RCSD1: variants seen among roughly 807,000 people sequenced by gnomAD.
RCSD1 encodes RCSD domain containing 1, also known as capZ-interacting protein.
Under a neutral mutation model 42.5 loss-of-function variants are expected in RCSD1, and 26 were observed. The observed-to-expected ratio is 0.61, with a 90% CI of 0.45 to 0.85. RCSD1 has a LOEUF of 0.85. RCSD1 is among the 40% of genes least tolerant of loss of function. RCSD1 has a pLI of 0.00. For synonymous variants in RCSD1, 220 were observed against 212.2 expected (o/e 1.04, Z -0.32); for missense variants, 571 against 528.3 (o/e 1.08, Z -0.79).
chr1:167,634,450 C>T (rs1374453846), intron 1 of RCSD1, among the ~76,000 whole-genome samples: 1 of 151,964 alleles, frequency 6.6e-6, no homozygotes, highest in Non-Finnish European at 1.5e-5. Flanking sequence ...CCACCACTCC[C>T]TAAGAAATAC....
intron 6 of RCSD1, among the ~76,000 whole-genome samples, chr1:167,702,588 G>C (rs1659667690): frequency 6.6e-6 from 1 of 152,142 alleles, no homozygotes; most frequent in Non-Finnish European, 1.5e-5. Context: ...AGATCAGCCT[G>C]GCCAACATGG....
chr1:167,673,279 G>T (rs879372316), intron 1 of RCSD1, among the ~76,000 whole-genome samples: 2 of 152,222 alleles, frequency 1.3e-5, no homozygotes, highest in Admixed American at 6.5e-5. Context: ...CCCTCCATTT[G>T]CCCAAGGTTT....
intron 6 of RCSD1, among the ~76,000 whole-genome samples, chr1:167,701,107 C>T (rs563256238): frequency 6.6e-6 from 1 of 152,132 alleles, no homozygotes; most frequent in Non-Finnish European, 1.5e-5. Context: ...GCCCAGCAAC[C>T]TCAAGAGCAC....
rs1658205389 is a variant in RCSD1, at chr1:167,647,908, A to G, written c.6+17479A>G. On this transcript the variant is annotated intron_variant, in intron 1 of 6. Coordinates refer to ENST00000367854, the MANE Select transcript of RCSD1 (RefSeq NM_052862.4). ...TTTAAGATTTGAAATTCATCATCTTAACACAACTATTTTCTTTTTCTTTTT... is the reference window on the plus strand; with the variant it reads ...TTTAAGATTTGAAATTCATCATCTTGACACAACTATTTTCTTTTTCTTTTT... Among the ~76,000 whole-genome samples the G allele has an allele frequency of 2.0e-5, 3 of 152,188 alleles. 1 individual carries two copies. The South Asian group carries it at 6.2e-4, about 31-fold the overall frequency.
chr1:167,632,933 G>C (rs929306411), intron 1 of RCSD1, among the ~76,000 whole-genome samples: 1 of 152,156 alleles, frequency 6.6e-6, no homozygotes, highest in African/African-American at 2.4e-5. Context: ...TTGGATTTGG[G>C]GGTTTCTGAA....
chr1:167,693,351 C>T (rs1392179771), intron 4 of RCSD1, among the ~76,000 whole-genome samples: 2 of 152,230 alleles, frequency 1.3e-5, no homozygotes, highest in African/African-American at 4.8e-5. Flanking sequence ...GCCTCCTCCC[C>T]AACCAAACTC....
intron 1 of RCSD1, chr1:167,641,973 C>T (rs772249341): frequency 6.6e-6 from 1 of 152,228 alleles, no homozygotes. Context: ...GCTGGGGGCT[C>T]TGCTCTGGCT....
chr1:167,691,955 T>G (rs1162270365), intron 4 of RCSD1, among the ~76,000 whole-genome samples: 1 of 152,096 alleles, frequency 6.6e-6, no homozygotes, highest in East Asian at 1.9e-4. Flanking sequence ...AGCCCCAGAC[T>G]CCTACCTCTG....
At chr1:167,661,499 G>A (rs1658541092) in intron 1 of RCSD1, among the ~76,000 whole-genome samples, 1 of 152,242 alleles carries the variant, frequency 6.6e-6, no homozygotes, top group East Asian at 1.9e-4. Flanking sequence ...CTTTCTGTAG[G>A]GATCTAGAAG....
intron 1 of RCSD1, among the ~76,000 whole-genome samples, chr1:167,649,888 A>G (rs1658260737): frequency 6.6e-6 from 1 of 152,208 alleles, no homozygotes; most frequent in Non-Finnish European, 1.5e-5. Context: ...TCTTGTGTCC[A>G]TAATAATAAA....
chr1:167,656,102 G>C (rs1469311385), intron 1 of RCSD1, among the ~76,000 whole-genome samples: 2 of 152,150 alleles, frequency 1.3e-5, no homozygotes, highest in Non-Finnish European at 2.9e-5. Flanking sequence ...TAATTATACA[G>C]CCTATCTTTT....
At chr1:167,633,270 CAT>C (rs1657749109) in intron 1 of RCSD1, among the ~76,000 whole-genome samples, 1 of 152,190 alleles carries the variant, frequency 6.6e-6, no homozygotes, top group East Asian at 1.9e-4. Context: ...TATCCTGTCA[CAT>C]ATATAATCTT....
At chr1:167,644,533 A>G (rs1180041747) in intron 1 of RCSD1, among the ~76,000 whole-genome samples, 2 of 139,050 alleles carry the variant, frequency 1.4e-5, no homozygotes, top group Non-Finnish European at 3.2e-5. Flanking sequence ...ACATACATAC[A>G]TACATTTCAA....
intron 1 of RCSD1, among the ~76,000 whole-genome samples, chr1:167,669,159 A>G (rs924136267): frequency 1.3e-5 from 2 of 152,266 alleles, no homozygotes; most frequent in African/African-American, 2.4e-5. Flanking sequence ...TAAACACTGG[A>G]AACACCTTGA....
intron 1 of RCSD1, among the ~76,000 whole-genome samples, chr1:167,646,240 T>G (rs1215948204): frequency 1.3e-5 from 2 of 152,004 alleles, no homozygotes; most frequent in Non-Finnish European, 2.9e-5. Flanking sequence ...GAAGTGGAGT[T>G]TGGAGGGCTT....
Position 167,697,838 on chromosome 1 carries a change from C to G in RCSD1, c.1214C>G (p.Pro405Arg), listed in dbSNP as rs758315251. ...CAGAGCGAGCCAGCAGTCCCCAAGC[C>G]GGAGGTAGGTGGCCTGGCTCGTTCA... ...EVQSEPAVPK[P>R]EDDTPVQDTK... The change falls in exon 6 of 7, where the codon CCG (proline) becomes CGG (arginine). Residue 405 changes from proline (P) to arginine (R), a missense_variant. Pro to Arg is a moderately radical substitution (Grantham distance 103). Transcript: ENST00000367854. 1.4e-6 allele frequency: 2 copies of G among 1,461,906 alleles called. No homozygotes were observed. The highest frequency in any genetic ancestry group is 4.9e-5 in the East Asian group (2 of 41,134). The allele number at this position is 1,461,906 out of a possible 1,614,324, so 90.6% of individuals were successfully genotyped here. A position where few individuals can be genotyped will look rare whatever the true frequency, so the allele number is the denominator to read the frequency against.
At chr1:167,634,777 G>A (rs889349310) in intron 1 of RCSD1, among the ~76,000 whole-genome samples, 2 of 152,028 alleles carry the variant, frequency 1.3e-5, no homozygotes, top group African/African-American at 4.8e-5. Flanking sequence ...TTTTCTCTGG[G>A]GTAACTGCAA....
intron 1 of RCSD1, among the ~76,000 whole-genome samples, chr1:167,678,998 G>A (rs562374805): frequency 2.0e-5 from 3 of 152,320 alleles, no homozygotes; most frequent in Middle Eastern, 3.4e-3. Flanking sequence ...TTAACAAAGC[G>A]TCTTATGGTT....
chr1:167,684,897 T>G (rs1419325832), intron 2 of RCSD1, among the ~76,000 whole-genome samples: 1 of 151,800 alleles, frequency 6.6e-6, no homozygotes, highest in Non-Finnish European at 1.5e-5. Context: ...TACAAACAAG[T>G]GAGATGAGGG....
Sources: gnomAD v4.1 joint callset for allele counts (sites outside exome capture counted in the v4.1 genomes callset) on GRCh38, gnomAD v4.1.1 for gene constraint, MANE v1.5 for transcripts, NCBI Gene and HGNC (gene_info 2026-07-23, HGNC 2026-07-21) for gene names.